The following NECTIN1 variants were observed in gnomAD, a reference collection of about 807,000 sequenced individuals.
NECTIN1 encodes the protein nectin cell adhesion molecule 1.
NECTIN1 carries 23 observed loss-of-function variants against 48.0 expected under a neutral mutation model. That is an observed-to-expected ratio of 0.48 (90% confidence interval 0.34 to 0.68). The LOEUF is 0.68. Ranked by LOEUF, NECTIN1 falls within the 30% of genes least tolerant of loss-of-function variation. NECTIN1 has a pLI of 0.01. For missense variants in NECTIN1, 591 were observed against 709.9 expected, an observed-to-expected ratio of 0.83 and a Z score of 1.90; for synonymous variants, 270 against 288.9, an observed-to-expected ratio of 0.93 and a Z score of 0.66.
intron 5 of NECTIN1, among the ~76,000 whole-genome samples, chr11:119,646,633 A>G (rs556104835): frequency 5.9e-5 from 9 of 152,314 alleles, no homozygotes; most frequent in Middle Eastern, 3.4e-3. Context: ...GGTTGGTGAA[A>G]TGCTCAGGGT....
rs371656530 is a variant in NECTIN1, at chr11:119,703,268, T to C, written c.80-24503A>G. On this transcript the variant is annotated intron_variant, in intron 1 of 5. Coordinates refer to ENST00000264025, the MANE Select transcript of NECTIN1 (RefSeq NM_002855.5). ...GGCAGAGGATCTGACCACGAGTTTCTTCTGCCTGGCCCCACTCTGTGTCCC... is the reference window on the plus strand; with the variant it reads ...GGCAGAGGATCTGACCACGAGTTTCCTCTGCCTGGCCCCACTCTGTGTCCC... Among the ~76,000 whole-genome samples the C allele has an allele frequency of 1.1e-4, 16 of 152,364 alleles. No homozygotes were observed. In the South Asian group the frequency reaches 1.2e-3, roughly 12 times the overall value.
At chr11:119,674,991 G>A (rs1270654098) in intron 5 of NECTIN1, among the ~76,000 whole-genome samples, 168 bp downstream of exon 5, 1 of 152,156 alleles carries the variant, frequency 6.6e-6, no homozygotes, top group African/African-American at 2.4e-5. Context: ...ACCCTTTAAT[G>A]AAAGAAAGAG....
chr11:119,666,656 C>T (rs1162608553), intron 5 of NECTIN1, among the ~76,000 whole-genome samples: 1 of 152,266 alleles, frequency 6.6e-6, no homozygotes, highest in African/African-American at 2.4e-5. Flanking sequence ...GCCGCTCAGG[C>T]CCTCCTTGCT....
intron 1 of NECTIN1, among the ~76,000 whole-genome samples, chr11:119,691,082 C>T (rs992945762): frequency 5.3e-5 from 8 of 152,226 alleles, no homozygotes; most frequent in Admixed American, 2.0e-4. Flanking sequence ...TGTGCTTGCC[C>T]CAGTGTTAAC....
intron 1 of NECTIN1, chr11:119,713,913 A>C (rs1865704395): frequency 2.2e-6 from 1 of 455,318 alleles, no homozygotes; most frequent in South Asian, 1.6e-5. Context: ...GCCAAGGAGC[A>C]GCAAGCCTGG....
chr11:119,697,449 C>T (rs998784027), intron 1 of NECTIN1, among the ~76,000 whole-genome samples: 9 of 152,200 alleles, frequency 5.9e-5, no homozygotes, highest in African/African-American at 1.7e-4. Context: ...CCCTCTCCTT[C>T]GTAGGCTCCC....
chr11:119,644,678 G>T (rs947047108), intron 5 of NECTIN1, among the ~76,000 whole-genome samples: 9 of 152,224 alleles, frequency 5.9e-5, no homozygotes, highest in African/African-American at 1.9e-4. Context: ...CAGAGCAGGG[G>T]GCCTTCTGAA....
At position 119,673,487 on chromosome 11, in the gene NECTIN1, C is replaced by T. The variant is rs1864893823; in HGVS notation, c.1003+1672G>A. Among the ~76,000 whole-genome samples, 1 of 152,194 alleles carries T rather than the reference C, an allele frequency of 6.6e-6. No individual in the cohort carries two copies. Among genetic ancestry groups the T allele is most frequent in the African/African-American group, 2.4e-5 (1 of 41,442 alleles). On this transcript the variant is annotated intron_variant, in intron 5 of 5. Coordinates refer to ENST00000264025, the MANE Select transcript of NECTIN1 (RefSeq NM_002855.5). The surrounding 1 kb of genome is among the most constrained non-coding windows in gnomAD (Gnocchi z 5.8). ...ACCATCAGGGGAAGGTATCACCACG[C>T]AGGGAGTACTGCATGATCGTAAGAA... is the stretch of plus-strand genomic sequence containing the variant.
rs1180979138 is a variant in NECTIN1, at chr11:119,676,740, C to T, written c.851+362G>A. 7 of 353,994 alleles carry T rather than the reference C, an allele frequency of 2.0e-5. 1 individual carries two copies. The highest frequency in any genetic ancestry group is 1.7e-4 in the South Asian group (7 of 41,084). 21.9% of individuals were successfully genotyped at this position (353,994 alleles called of 1,614,324 possible). On this transcript the variant is annotated intron_variant, in intron 4 of 5. Coordinates refer to ENST00000264025, the MANE Select transcript of NECTIN1 (RefSeq NM_002855.5). ...GAGCTGAGATGCTCCAGAACACTGG[C>T]TTCCCTGGGGACACCTTGATAAAAA...
rs1411083805 is a variant in NECTIN1 at position 119,673,461 on chromosome 11, C to G, written c.1003+1698G>C. On this transcript the variant is annotated intron_variant, in intron 5 of 5. Transcript: ENST00000264025. This position sits in a 1 kb window ranked among gnomAD's most constrained non-coding sequence, Gnocchi z 5.8. Reference sequence around the variant, plus strand: ...CCACACCCCTCACATGTTGATAGCCCACCATCAGGGGAAGGTATCACCACG... The same window carrying G: ...CCACACCCCTCACATGTTGATAGCCGACCATCAGGGGAAGGTATCACCACG... Among the ~76,000 whole-genome samples the G allele has an allele frequency of 6.6e-6, 1 of 152,198 alleles. No homozygotes were observed. Among genetic ancestry groups the G allele is most frequent in the Non-Finnish European group, 1.5e-5 (1 of 68,038 alleles).
chr11:119,652,556 C>T (rs1458571652), intron 5 of NECTIN1, among the ~76,000 whole-genome samples: 1 of 152,168 alleles, frequency 6.6e-6, no homozygotes, highest in Non-Finnish European at 1.5e-5. Context: ...TTTCAAAATC[C>T]TACATCTCTG....
chr11:119,678,490 C>G lies in NECTIN1; in HGVS notation c.355G>C (p.Glu119Gln), dbSNP rs942435649. ...GCAAACTCGCAGATGTAGACACCCT[C>G]ATCCTCCAGCTCCAGGCGGGAGAGG... ...IRLSRLELEDEGVYICEFATF... is the reference protein window; with the variant it reads ...IRLSRLELEDQGVYICEFATF... The change falls in exon 2 of 6, where the codon GAG becomes CAG. Residue 119 changes from glutamate to glutamine, a missense_variant. Coordinates refer to ENST00000264025, the MANE Select transcript of NECTIN1 (RefSeq NM_002855.5). This position sits in a 1 kb window ranked among gnomAD's most constrained non-coding sequence, Gnocchi z 4.4. The G allele has an allele frequency of 6.2e-7, 1 of 1,614,240 alleles. No individual in the cohort carries two copies. The highest frequency in any genetic ancestry group is 1.3e-5 in the African/African-American group (1 of 75,060).
chr11:119,692,047 C>T (rs1057402378), intron 1 of NECTIN1, among the ~76,000 whole-genome samples: 14 of 152,214 alleles, frequency 9.2e-5, no homozygotes, highest in African/African-American at 3.1e-4. Context: ...TCCCCAGCCC[C>T]ACCTGCTCCC....
chr11:119,678,240 C>A lies in NECTIN1; in HGVS notation c.430+175G>T, dbSNP rs1864994887. On this transcript the variant is annotated intron_variant, in intron 2 of 5. Coordinates refer to ENST00000264025, the MANE Select transcript of NECTIN1 (RefSeq NM_002855.5). This position sits in a 1 kb window ranked among gnomAD's most constrained non-coding sequence, Gnocchi z 4.4. The stretch of plus-strand genomic sequence containing the variant: ...CTAGAGATAAGCCCCTGCCCCTAAT[C>A]CCTAGTGAATTGTGGGGTGGCCTGG... Among the ~76,000 whole-genome samples the A allele has an allele frequency of 6.6e-6, 1 of 152,190 alleles. No homozygotes were observed. Among genetic ancestry groups the A allele is most frequent in the Non-Finnish European group, 1.5e-5 (1 of 68,042 alleles).
At chr11:119,724,607 TCC>T (rs1294033977) in intron 1 of NECTIN1, among the ~76,000 whole-genome samples, 2 of 152,134 alleles carry the variant, frequency 1.3e-5, no homozygotes, top group African/African-American at 4.8e-5. Context: ...CACTCACAGG[TCC>T]TAGTCAGAAA....
At chr11:119,723,314 C>T (rs1001800949) in intron 1 of NECTIN1, among the ~76,000 whole-genome samples, 1 of 151,602 alleles carries the variant, frequency 6.6e-6, no homozygotes, top group Non-Finnish European at 1.5e-5. Context: ...GGGATTCCAA[C>T]CCAGGCCAGT....
chr11:119,640,228 A>T, intron 5 of NECTIN1: 1 of 588,146 alleles, frequency 1.7e-6, no homozygotes, highest in Non-Finnish European at 3.0e-6. Context: ...GTAACCCCAC[A>T]CCCTGCTCTG....
At chr11:119,657,353 T>C (rs9651693), downstream of NECTIN1, among the ~76,000 whole-genome samples, 9,531 of 152,098 alleles carry the variant, frequency 0.063, 876 homozygotes, top group African/African-American at 0.2. Flanking sequence ...CGGTGACTTA[T>C]GCCTATAATC....
At chr11:119,718,971 C>A (rs532448461) in intron 1 of NECTIN1, among the ~76,000 whole-genome samples, 2 of 152,200 alleles carry the variant, frequency 1.3e-5, no homozygotes, top group African/African-American at 4.8e-5. Context: ...ATTTCTATTT[C>A]ATATACACCT....
Sources: gnomAD v4.1 joint callset for allele counts (sites outside exome capture counted in the v4.1 genomes callset) on GRCh38, gnomAD v4.1.1 for gene constraint, Gnocchi (gnomAD v3.1) non-coding constraint, MANE v1.5 for transcripts, NCBI Gene and HGNC (gene_info 2026-07-23, HGNC 2026-07-21) for gene names.